RHOJ: variants seen among roughly 807,000 people sequenced by gnomAD.
RHOJ encodes the protein ras homolog family member J, also known as rho-related GTP-binding protein RhoJ.
Under a neutral mutation model 23.4 loss-of-function variants are expected in RHOJ, and 11 were observed. The ratio of observed to expected loss-of-function variants is 0.47; its 90% confidence interval spans 0.30 to 0.78. The LOEUF (loss-of-function observed/expected upper bound fraction) is 0.78, where lower values mean the gene tolerates loss of function less well. Among genes scored for constraint, RHOJ ranks in the 30% least tolerant of loss-of-function variants. The pLI, the probability that RHOJ is intolerant of heterozygous loss-of-function variation, is 0.08. For synonymous variants in RHOJ, 102 were observed against 102.7 expected, an observed-to-expected ratio of 0.99 and a Z score of 0.04; for missense variants, 254 against 273.4, an observed-to-expected ratio of 0.93 and a Z score of 0.50.
At chr14:63,287,041 T>C (rs1882105574) in intron 4 of RHOJ, among the ~76,000 whole-genome samples, 3 of 152,260 alleles carry the variant, frequency 2.0e-5, no homozygotes. Flanking sequence ...TTTCTTTAGA[T>C]ACGAGCTTAC....
intron 1 of RHOJ, among the ~76,000 whole-genome samples, chr14:63,249,419 AC>A (rs577466069): frequency 1.3e-5 from 2 of 152,116 alleles, no homozygotes; most frequent in Non-Finnish European, 2.9e-5. Context: ...TAGAGGTGAA[AC>A]CTTTTGTGTC....
At chr14:63,234,493 A>G (rs1367915674) in intron 1 of RHOJ, among the ~76,000 whole-genome samples, 2 of 152,246 alleles carry the variant, frequency 1.3e-5, no homozygotes, top group African/African-American at 4.8e-5. Flanking sequence ...AACATTACCT[A>G]CAAATCATCC....
At chr14:63,256,085 G>T (rs1273691985) in intron 1 of RHOJ, among the ~76,000 whole-genome samples, 1 of 151,982 alleles carries the variant, frequency 6.6e-6, no homozygotes, top group Non-Finnish European at 1.5e-5. Flanking sequence ...ACAAGGTCTT[G>T]CTAGTTGCCC....
Position 63,292,781 on chromosome 14 carries a change from T to A in RHOJ, c.*1757T>A, listed in dbSNP as rs1882290150. 1 of 151,868 alleles carries A rather than the reference T, an allele frequency of 6.6e-6. No homozygotes were observed. The highest frequency in any genetic ancestry group is 1.5e-5 in the Non-Finnish European group (1 of 67,972). The allele number at this position is 151,868 out of a possible 1,614,324, so 9.4% of individuals were successfully genotyped here. On this transcript the variant is annotated 3_prime_UTR_variant, in exon 5 of 5. Transcript: ENST00000316754. ...CTGGGTAATATAGTGAGATCCTGTG[T>A]CTCTATAAAAAAATTAAAAATTAGT...
chr14:63,263,763 A>G (rs540671772), intron 1 of RHOJ, among the ~76,000 whole-genome samples: 127 of 152,282 alleles, frequency 8.3e-4, no homozygotes, highest in African/African-American at 2.8e-3. Context: ...TGAGGAAAAG[A>G]ATAATTCAGG....
At chr14:63,285,808 C>CTA (rs1882065515) in intron 4 of RHOJ, among the ~76,000 whole-genome samples, 2 of 152,216 alleles carry the variant, frequency 1.3e-5, no homozygotes, top group Admixed American at 1.3e-4. Context: ...GGATGCTACA[C>CTA]TGTTTAGCTC....
At chr14:63,279,709 A>C (rs1881840511) in intron 2 of RHOJ, among the ~76,000 whole-genome samples, 2 of 152,206 alleles carry the variant, frequency 1.3e-5, no homozygotes, top group Non-Finnish European at 2.9e-5. Flanking sequence ...CCAGCATTTT[A>C]TTTGGCCTTT....
chr14:63,274,991 G>C (rs1881672855), intron 2 of RHOJ, among the ~76,000 whole-genome samples: 1 of 152,130 alleles, frequency 6.6e-6, no homozygotes, highest in Non-Finnish European at 1.5e-5. Context: ...GGTGGGAGGA[G>C]CTCAGCGCCT....
At chr14:63,253,853 G>A (rs1350868098) in intron 1 of RHOJ, among the ~76,000 whole-genome samples, 1 of 152,206 alleles carries the variant, frequency 6.6e-6, no homozygotes, top group Non-Finnish European at 1.5e-5. Context: ...GTCTCAGGAG[G>A]TATGGCTAAT....
intron 1 of RHOJ, among the ~76,000 whole-genome samples, chr14:63,266,664 A>G (rs1895372626): frequency 6.6e-6 from 1 of 152,118 alleles, no homozygotes; most frequent in South Asian, 2.1e-4. Context: ...TTGTGTGGCT[A>G]TTGTAAATGG....
At chr14:63,221,985 A>C (rs1439356524) in intron 1 of RHOJ, among the ~76,000 whole-genome samples, 2 of 92,700 alleles carry the variant, frequency 2.2e-5, no homozygotes, top group Non-Finnish European at 2.0e-5. Flanking sequence ...CCCCCCACCC[A>C]AAAACAGGCC....
At chr14:63,206,869 T>G (rs1171462629) in intron 1 of RHOJ, among the ~76,000 whole-genome samples, 1 of 152,188 alleles carries the variant, frequency 6.6e-6, no homozygotes, top group East Asian at 1.9e-4. Context: ...AGCAATACTT[T>G]GCACATAGTA....
intron 2 of RHOJ, among the ~76,000 whole-genome samples, chr14:63,272,894 G>T (rs989122102): frequency 6.6e-6 from 1 of 152,144 alleles, no homozygotes; most frequent in Non-Finnish European, 1.5e-5. Flanking sequence ...ATGGTGGCGC[G>T]CACCTGTAAT....
chr14:63,234,591 CT>C (rs1894754452), intron 1 of RHOJ, among the ~76,000 whole-genome samples: 1 of 152,126 alleles, frequency 6.6e-6, no homozygotes, highest in Non-Finnish European at 1.5e-5. Context: ...TTGTTCAGAT[CT>C]AAAGCCTTTG....
At chr14:63,225,321 T>C (rs950063752) in intron 1 of RHOJ, among the ~76,000 whole-genome samples, 1 of 152,170 alleles carries the variant, frequency 6.6e-6, no homozygotes, top group African/African-American at 2.4e-5. Context: ...TGGAGCAACA[T>C]GAATTGCCTC....
At chr14:63,234,370 G>A (rs1191121713) in intron 1 of RHOJ, among the ~76,000 whole-genome samples, 2 of 152,140 alleles carry the variant, frequency 1.3e-5, no homozygotes, top group Non-Finnish European at 2.9e-5. Context: ...ATCATGTTCT[G>A]TTGTTCATCT....
chr14:63,236,520 C>A (rs1894792141), intron 1 of RHOJ, among the ~76,000 whole-genome samples: 1 of 152,080 alleles, frequency 6.6e-6, no homozygotes, highest in Non-Finnish European at 1.5e-5. Context: ...TTAAAACCAT[C>A]AGATCTCATG....
At chr14:63,289,179 G>T (rs1175053129) in intron 4 of RHOJ, among the ~76,000 whole-genome samples, 1 of 152,076 alleles carries the variant, frequency 6.6e-6, no homozygotes, top group East Asian at 1.9e-4. Context: ...CTTGGCCCAT[G>T]GTAAATAGTT....
chr14:63,242,061 C>T (rs1894892742), intron 1 of RHOJ, among the ~76,000 whole-genome samples: 1 of 152,250 alleles, frequency 6.6e-6, no homozygotes, highest in South Asian at 2.1e-4. Flanking sequence ...TTTTAATATC[C>T]TTGTGAATTT....
Sources: gnomAD v4.1 joint callset for allele counts (sites outside exome capture counted in the v4.1 genomes callset) on GRCh38, gnomAD v4.1.1 for gene constraint, MANE v1.5 for transcripts, NCBI Gene and HGNC (gene_info 2026-07-23, HGNC 2026-07-21) for gene names.